The following COL13A1 variants were observed in gnomAD, a reference collection of about 807,000 sequenced individuals.
The protein encoded by COL13A1 is collagen type XIII alpha 1 chain.
In COL13A1, 89 loss-of-function variants were observed where a neutral mutation model predicts 130.9. That is an observed-to-expected ratio of 0.68 (90% CI 0.57 to 0.81). The LOEUF (loss-of-function observed/expected upper bound fraction) is 0.81, where lower values mean the gene tolerates loss of function less well. Ranked by LOEUF, COL13A1 falls within the 30% of genes least tolerant of loss-of-function variation. The pLI is 0.00. For missense variants in COL13A1, 879 were observed against 934.6 expected (o/e 0.94, Z 0.78); for synonymous variants, 402 against 341.6 (o/e 1.18, Z -1.95).
At chr10:69,858,650 A>G (rs1313558160) in intron 2 of COL13A1, among the ~76,000 whole-genome samples, 3 of 152,208 alleles carry the variant, frequency 2.0e-5, no homozygotes, top group East Asian at 1.9e-4. Flanking sequence ...CTGGGAGCCA[A>G]CTTCAGGCAA....
At chr10:69,823,546 C>T (rs1200586169) in intron 2 of COL13A1, among the ~76,000 whole-genome samples, 1 of 152,202 alleles carries the variant, frequency 6.6e-6, no homozygotes, top group Non-Finnish European at 1.5e-5. Context: ...CCTCCTCTGG[C>T]CTCAGAAGCC....
At chr10:69,948,180 C>T (rs2068835210) in intron 38 of COL13A1, among the ~76,000 whole-genome samples, 1 of 152,130 alleles carries the variant, frequency 6.6e-6, no homozygotes, top group South Asian at 2.1e-4. Flanking sequence ...GAAACAAGGC[C>T]CAGACAATGA....
chr10:69,894,624 G>T lies in COL13A1; in HGVS notation c.630+46G>T, dbSNP rs772519316. On this transcript the variant is annotated intron_variant, in intron 11 of 40. Coordinates refer to ENST00000645393, the MANE Select transcript of COL13A1 (RefSeq NM_001368882.1). ...TTTCCCAGCAGAGAAGCTTCCGGTG[G>T]CTGTGACCTTAGCTTTGGTTTCTAA... The T allele has an allele frequency of 6.8e-6, 11 of 1,613,862 alleles. No homozygotes were observed. The East Asian group carries it at 1.8e-4, about 26-fold the overall frequency.
intron 30 of COL13A1, among the ~76,000 whole-genome samples, chr10:69,931,917 C>T (rs1226873318): frequency 6.6e-6 from 1 of 152,146 alleles, no homozygotes; most frequent in Non-Finnish European, 1.5e-5. Flanking sequence ...AATGTCTCAG[C>T]CAACTGTATT....
chr10:69,852,084 T>G (rs997947162), intron 2 of COL13A1, among the ~76,000 whole-genome samples: 32 of 152,164 alleles, frequency 2.1e-4, no homozygotes, highest in African/African-American at 7.5e-4. Flanking sequence ...TGGTGTGCAG[T>G]GACCATCCCT....
intron 7 of COL13A1, among the ~76,000 whole-genome samples, chr10:69,884,877 G>A (rs2060467355): frequency 6.6e-6 from 1 of 152,176 alleles, no homozygotes; most frequent in African/African-American, 2.4e-5. Flanking sequence ...AAAGCCAAAT[G>A]CATGTGTCAA....
chr10:69,924,148 G>T (rs1165533879), intron 24 of COL13A1, among the ~76,000 whole-genome samples: 1 of 152,240 alleles, frequency 6.6e-6, no homozygotes, highest in East Asian at 1.9e-4. Flanking sequence ...GTGAAAGGCT[G>T]CTGTGTCCCT....
intron 1 of COL13A1, among the ~76,000 whole-genome samples, chr10:69,803,796 A>C (rs1478001292): frequency 3.3e-5 from 5 of 152,208 alleles, no homozygotes; most frequent in African/African-American, 1.2e-4. Context: ...CAAACGCTCC[A>C]ACCCCTCTGA....
At chr10:69,856,830 T>C (rs1589104537) in intron 2 of COL13A1, among the ~76,000 whole-genome samples, 1 of 152,180 alleles carries the variant, frequency 6.6e-6, no homozygotes, top group Non-Finnish European at 1.5e-5. Flanking sequence ...AGGATCTCAC[T>C]GTTTCTGGGA....
intron 10 of COL13A1, among the ~76,000 whole-genome samples, chr10:69,892,138 C>G (rs1487410052): frequency 6.6e-6 from 1 of 152,222 alleles, no homozygotes; most frequent in Non-Finnish European, 1.5e-5. Flanking sequence ...GATCCCCTGT[C>G]TGCCTCATCA....
chr10:69,810,807 C>T (rs913298115), intron 1 of COL13A1, among the ~76,000 whole-genome samples: 1 of 152,198 alleles, frequency 6.6e-6, no homozygotes, highest in Non-Finnish European at 1.5e-5. Flanking sequence ...AGCAGCAGCC[C>T]CTGCTGACAC....
chr10:69,898,796 G>C (rs367607862), intron 14 of COL13A1, 34 bp downstream of exon 14: 13 of 1,569,982 alleles, frequency 8.3e-6, no homozygotes, highest in African/African-American at 8.1e-5. Context: ...ACCATGTGTG[G>C]TTTCCCAAGG....
In COL13A1 at chr10:69,894,678, C is replaced by T. The variant is rs1432195560; in HGVS notation, c.634C>T (p.Pro212Ser). The T allele has an allele frequency of 6.2e-7, 1 of 1,613,980 alleles. No homozygotes were observed. Among genetic ancestry groups the T allele is most frequent in the Middle Eastern group, 1.6e-4 (1 of 6,062 alleles). The change falls in exon 12 of 41, where the codon CCC becomes TCC. Residue 212 changes from proline to serine, a missense_variant. Transcript: ENST00000645393. Reference sequence around the variant, plus strand: ...TCTCATCTCCGTCTCTTTGTAGGGACCCCAGGGACAAAAAGGAGAAAAGGT... The same window carrying T: ...TCTCATCTCCGTCTCTTTGTAGGGATCCCAGGGACAAAAAGGAGAAAAGGT... Reference protein sequence around the residue: ...GLTGPPGQPGPQGQKGEKGQC... With the variant: ...GLTGPPGQPGSQGQKGEKGQC...
intron 10 of COL13A1, among the ~76,000 whole-genome samples, chr10:69,893,914 C>T (rs1321700700): frequency 2.6e-5 from 4 of 152,242 alleles, no homozygotes; most frequent in Non-Finnish European, 5.9e-5. Context: ...CCTAAGAGAG[C>T]CAGAGCATGC....
intron 1 of COL13A1, among the ~76,000 whole-genome samples, chr10:69,808,485 C>T (rs1262730769): frequency 6.6e-6 from 1 of 152,072 alleles, no homozygotes; most frequent in East Asian, 1.9e-4. Flanking sequence ...CTACTCATCG[C>T]TCAATACACT....
chr10:69,942,421 G>A (rs79797218), intron 35 of COL13A1, among the ~76,000 whole-genome samples: 3,134 of 152,200 alleles, frequency 0.021, 81 homozygotes, highest in South Asian at 0.1. Flanking sequence ...GGCAGGGCTC[G>A]GGGATGATCT....
chr10:69,849,167 G>A (rs1371536398), intron 2 of COL13A1, among the ~76,000 whole-genome samples: 5 of 152,206 alleles, frequency 3.3e-5, no homozygotes, highest in African/African-American at 7.2e-5. Context: ...TACAGAGAAC[G>A]GGTTTCTGAC....
At chr10:69,868,879 T>C (rs1188677337) in intron 3 of COL13A1, among the ~76,000 whole-genome samples, 1 of 152,208 alleles carries the variant, frequency 6.6e-6, no homozygotes, top group Non-Finnish European at 1.5e-5. Context: ...CAGATCTTAA[T>C]TCCTATCATC....
chr10:69,904,208 C>G (rs954559002), intron 15 of COL13A1, among the ~76,000 whole-genome samples: 1 of 152,132 alleles, frequency 6.6e-6, no homozygotes, highest in Non-Finnish European at 1.5e-5. Context: ...GACCGCTGCC[C>G]TTTCTACCCC....
Sources: gnomAD v4.1 joint callset for allele counts (sites outside exome capture counted in the v4.1 genomes callset) on GRCh38, gnomAD v4.1.1 for gene constraint, MANE v1.5 for transcripts, NCBI Gene and HGNC (gene_info 2026-07-23, HGNC 2026-07-21) for gene names.